The following RAPGEF2 variants were observed in gnomAD, a reference collection of about 807,000 sequenced individuals.
The protein encoded by RAPGEF2 is PDZ domain containing guanine nucleotide exchange factor (GEF) 1.
A neutral mutation model predicts 186.7 loss-of-function variants in RAPGEF2; 54 were observed. The observed-to-expected ratio is 0.29, with a 90% CI of 0.23 to 0.36. RAPGEF2 has a LOEUF of 0.36. RAPGEF2 is among the 10% of genes least tolerant of loss of function. RAPGEF2 has a pLI of 1.00. For synonymous variants in RAPGEF2, 712 were observed against 705.9 expected (o/e 1.01, Z -0.14); for missense variants, 1,532 against 2,045.0 (o/e 0.75, Z 4.84).
At chr4:159,209,122 C>T (rs553555435) in intron 3 of RAPGEF2, among the ~76,000 whole-genome samples, 3 of 149,738 alleles carry the variant, frequency 2.0e-5, no homozygotes, top group South Asian at 4.2e-4. Context: ...GAACTCCTGA[C>T]CTCAGGTGAT....
At chr4:159,189,598 A>T (rs1375778276) in intron 2 of RAPGEF2, among the ~76,000 whole-genome samples, 1 of 152,206 alleles carries the variant, frequency 6.6e-6, no homozygotes, top group Admixed American at 6.5e-5. Flanking sequence ...AGCATCATGG[A>T]TGAGTGTAAT....
At chr4:159,122,810 A>G (rs1050849245) in intron 1 of RAPGEF2, among the ~76,000 whole-genome samples, 3 of 152,186 alleles carry the variant, frequency 2.0e-5, no homozygotes, top group Non-Finnish European at 2.9e-5. Context: ...GACCCATACA[A>G]AGTGCCACTG....
chr4:159,351,038 C>T (rs553151420), intron 26 of RAPGEF2: 2 of 1,525,012 alleles, frequency 1.3e-6, no homozygotes, highest in Middle Eastern at 1.7e-4. Flanking sequence ...CATCTCAATT[C>T]TTTTCTCATC....
chr4:159,329,891 A>G lies in RAPGEF2; in HGVS notation c.1183A>G (p.Ile395Val), dbSNP rs763153785. The change falls in exon 12 of 30, where the codon ATT (isoleucine) becomes GTT (valine). Residue 395 changes from isoleucine (I) to valine (V), a missense_variant. By Grantham distance (29) the Ile-to-Val change is conservative (BLOSUM62 3). Transcript: ENST00000691494. The stretch of plus-strand genomic sequence containing the variant: ...CATAGCCCAGCAAGATTACTGCCGT[A>G]TTCTCAATCAAGTAGAAAAGAACAT... ...VCIAQQDYCR[I>V]LNQVEKNMQK... 13 of 1,613,374 alleles carry G rather than the reference A, an allele frequency of 8.1e-6. No individual in the cohort carries two copies. The highest frequency in any genetic ancestry group is 7.6e-6 in the Non-Finnish European group (9 of 1,179,506).
intron 7 of RAPGEF2, among the ~76,000 whole-genome samples, chr4:159,295,712 AGTGT>A (rs758461703): frequency 1.0e-5 from 1 of 97,292 alleles, no homozygotes; most frequent in Admixed American, 1.0e-4. Flanking sequence ...AGAGAGAGAG[AGTGT>A]GTGAGTGTGT....
intron 7 of RAPGEF2, among the ~76,000 whole-genome samples, chr4:159,256,251 CTGT>C (rs777260337): frequency 1.3e-5 from 2 of 152,140 alleles, no homozygotes; most frequent in African/African-American, 2.4e-5. Context: ...GCCACAGTGT[CTGT>C]TGTTCCCCTC....
At chr4:159,191,627 C>T (rs1199917005) in intron 2 of RAPGEF2, among the ~76,000 whole-genome samples, 1 of 151,918 alleles carries the variant, frequency 6.6e-6, no homozygotes, top group Non-Finnish European at 1.5e-5. Context: ...TAGTCCCAGC[C>T]ACTTGGGAGG....
chr4:159,329,998 C>A lies in RAPGEF2; in HGVS notation c.1290C>A (p.His430Gln). ...ELDRTGTRKGHIVIKGTSERL... is the reference protein window; with the variant it reads ...ELDRTGTRKGQIVIKGTSERL... ...ATCGAACTGGAACAAGAAAGGGACA[C>A]ATTGTCATCAAGGTAGGACACAGGA... The change falls in exon 12 of 30, where the codon CAC (histidine) becomes CAA (glutamine). Residue 430 changes from histidine to glutamine, a missense_variant. Transcript: ENST00000691494. The A allele has an allele frequency of 6.2e-7, 1 of 1,612,166 alleles. No homozygotes were observed. Among genetic ancestry groups the A allele is most frequent in the Middle Eastern group, 1.7e-4 (1 of 6,058 alleles).
chr4:159,278,063 T>C (rs932268552), intron 7 of RAPGEF2, among the ~76,000 whole-genome samples: 1 of 152,150 alleles, frequency 6.6e-6, no homozygotes, highest in African/African-American at 2.4e-5. Flanking sequence ...TCTTCTAGGG[T>C]TTTTATAGTT....
chr4:159,190,196 A>G (rs936088901), intron 2 of RAPGEF2, among the ~76,000 whole-genome samples: 12 of 152,348 alleles, frequency 7.9e-5, no homozygotes, highest in African/African-American at 2.4e-4. Flanking sequence ...GTGTAGAAGT[A>G]TAGCAAATAG....
At chr4:159,134,810 G>C (rs1298716865) in intron 1 of RAPGEF2, among the ~76,000 whole-genome samples, 1 of 152,150 alleles carries the variant, frequency 6.6e-6, no homozygotes, top group Non-Finnish European at 1.5e-5. Flanking sequence ...CATCACCAGA[G>C]TCAACTTTAG....
At chr4:159,338,189 G>A in intron 17 of RAPGEF2, 122 bp from the exon 18 acceptor site, 1 of 762,570 alleles carries the variant, frequency 1.3e-6, no homozygotes, top group South Asian at 2.6e-5. Context: ...ATTTATTAAT[G>A]GTGTTTTTAC....
chr4:159,114,515 G>A (rs1323176681), intron 1 of RAPGEF2, among the ~76,000 whole-genome samples: 1 of 152,144 alleles, frequency 6.6e-6, no homozygotes, highest in African/African-American at 2.4e-5. Context: ...GGGATTATAG[G>A]TGTGAGCCAC....
At chr4:159,239,427 A>G (rs1475263127) in intron 5 of RAPGEF2, among the ~76,000 whole-genome samples, 3 of 152,234 alleles carry the variant, frequency 2.0e-5, no homozygotes, top group South Asian at 4.1e-4. Context: ...AAAAAACACA[A>G]GAAAATCACT....
chr4:159,194,175 T>C (rs2111318067), intron 3 of RAPGEF2, among the ~76,000 whole-genome samples: 1 of 152,276 alleles, frequency 6.6e-6, no homozygotes, highest in South Asian at 2.1e-4. Context: ...GAACAGTATG[T>C]GCTGGGACGC....
chr4:159,268,706 T>C (rs1757734283), intron 7 of RAPGEF2, among the ~76,000 whole-genome samples: 1 of 152,108 alleles, frequency 6.6e-6, no homozygotes, highest in African/African-American at 2.4e-5. Flanking sequence ...ATTCATCACT[T>C]ATGGAAACAC....
At chr4:159,131,841 T>G in intron 1 of RAPGEF2, among the ~76,000 whole-genome samples, 1 of 151,990 alleles carries the variant, frequency 6.6e-6, no homozygotes, top group East Asian at 1.9e-4. Context: ...TTGTTAATAC[T>G]TAGCCTTTCT....
intron 1 of RAPGEF2, among the ~76,000 whole-genome samples, chr4:159,141,537 T>G (rs913830939): frequency 2.0e-5 from 3 of 152,088 alleles, no homozygotes; most frequent in Non-Finnish European, 4.4e-5. Context: ...TGTGAGTAGA[T>G]GCATAGCTTA....
At chr4:159,270,505 T>C (rs1356810782) in intron 7 of RAPGEF2, among the ~76,000 whole-genome samples, 1 of 152,172 alleles carries the variant, frequency 6.6e-6, no homozygotes, top group East Asian at 1.9e-4. Context: ...CTGCAGCAGG[T>C]AGTGCAGTAC....
Sources: allele counts gnomAD v4.1 joint callset (sites outside exome capture counted in the v4.1 genomes callset), GRCh38; gene constraint gnomAD v4.1.1; transcripts MANE v1.5; gene names NCBI Gene and HGNC (gene_info 2026-07-23, HGNC 2026-07-21).